The following ARL10 variants were observed in gnomAD, a reference collection of about 807,000 sequenced individuals.
The protein encoded by ARL10 is ARF like GTPase 10, also known as ADP-ribosylation factor-like protein 10.
ARL10 carries 23 observed loss-of-function variants against 26.1 expected under a neutral mutation model. The ratio of observed to expected loss-of-function variants is 0.88; its 90% CI spans 0.63 to 1.25. ARL10 has a LOEUF of 1.25. Among genes scored for constraint, ARL10 ranks in the 50% most tolerant of loss-of-function variants. The probability of loss-of-function intolerance (pLI) is 0.00; values close to 1 mark genes in which losing one functional copy is unlikely to be tolerated. For synonymous variants in ARL10, 138 were observed against 149.1 expected, an observed-to-expected ratio of 0.93 and a Z score of 0.54; for missense variants, 300 against 323.6, an observed-to-expected ratio of 0.93 and a Z score of 0.56.
chr5:176,393,214 T>G (rs1238564765), downstream of ARL10, among the ~76,000 whole-genome samples: 1 of 152,126 alleles, frequency 6.6e-6, no homozygotes, highest in Non-Finnish European at 1.5e-5. This position sits in a 1 kb window ranked among gnomAD's most constrained non-coding sequence, Gnocchi z 4.4. Context: ...CAGGTCTCAG[T>G]GCGGGCCTCA....
At chr5:176,412,349 G>A in the ARL10 span, among the ~76,000 whole-genome samples, 1 of 152,042 alleles carries the variant, frequency 6.6e-6, no homozygotes, top group Non-Finnish European at 1.5e-5. Context: ...GCACCCTCTT[G>A]TGCAATTACT....
chr5:176,376,770 A>G lies in ARL10; in HGVS notation c.*4875A>G, dbSNP rs1339628925. ...GGTGTGTAGTTCCAGGAGTCTGGAG[A>G]GGTCCTTTTGAGTTGTGAGATGTGG... is the stretch of plus-strand genomic sequence containing the variant. On this transcript the variant is annotated 3_prime_UTR_variant, in exon 4 of 4. Transcript: ENST00000310389. The G allele has an allele frequency of 6.6e-6, 1 of 152,164 alleles. No individual in the cohort carries two copies. The highest frequency in any genetic ancestry group is 2.4e-5 in the African/African-American group (1 of 41,426). 9.4% of individuals were successfully genotyped at this position (152,164 alleles called of 1,614,324 possible).
chr5:176,392,567 T>C (rs1756299408), downstream of ARL10: 2 of 580,008 alleles, frequency 3.4e-6, no homozygotes, highest in Non-Finnish European at 6.1e-6. The surrounding 1 kb of genome is among the most constrained non-coding windows in gnomAD (Gnocchi z 5.2). Flanking sequence ...TTGAGTAGAC[T>C]GAGAGGAGGC....
Position 176,371,936 on chromosome 5 carries a change from A to G in ARL10, c.*41A>G. On this transcript the variant is annotated 3_prime_UTR_variant, in exon 4 of 4. Transcript: ENST00000310389. ...CTTGCCACCTGCCTGTCAAGACCATAGTTGTACTGCTGCTGCTTCATTGCC... is the reference window on the plus strand; with the variant it reads ...CTTGCCACCTGCCTGTCAAGACCATGGTTGTACTGCTGCTGCTTCATTGCC... 6.3e-7 allele frequency: 1 copy of G among 1,597,780 alleles called. No individual in the cohort carries two copies. Among genetic ancestry groups the G allele is most frequent in the Non-Finnish European group, 8.5e-7 (1 of 1,170,668 alleles).
the ARL10 span, among the ~76,000 whole-genome samples, chr5:176,410,598 T>C: frequency 1.4e-4 from 21 of 152,244 alleles, no homozygotes; most frequent in African/African-American, 5.1e-4. Flanking sequence ...ATGCTCAAAA[T>C]CACCCAGCCA....
At chr5:176,383,935 C>T, downstream of ARL10, 1 of 1,473,776 alleles carries the variant, frequency 6.8e-7, no homozygotes, top group East Asian at 2.5e-5. Context: ...AATACAAAAT[C>T]ATCAGAGAAG....
At chr5:176,366,317 C>T (rs1768297669) in intron 1 of ARL10, 63 bp from the exon 2 acceptor site, 2 of 1,529,102 alleles carry the variant, frequency 1.3e-6, no homozygotes, top group Non-Finnish European at 1.7e-6. Flanking sequence ...TGCCTTCGGT[C>T]TTCCCTCGGG....
At chr5:176,391,650 A>G (rs1023756255), downstream of ARL10, among the ~76,000 whole-genome samples, 1 of 152,198 alleles carries the variant, frequency 6.6e-6, no homozygotes, top group Non-Finnish European at 1.5e-5. Context: ...CCACAAAGAC[A>G]GACATACCTA....
downstream of ARL10, chr5:176,384,746 G>A: frequency 2.8e-6 from 1 of 354,570 alleles, no homozygotes; most frequent in South Asian, 5.2e-5. Context: ...CTCCACCCTG[G>A]GTGACAGAGC....
chr5:176,400,324 G>A (rs968972288), intron 1 of ARL10, among the ~76,000 whole-genome samples: 1 of 152,158 alleles, frequency 6.6e-6, no homozygotes, highest in African/African-American at 2.4e-5. Context: ...GTGGAGTGAT[G>A]GCTCAGTGAA....
downstream of ARL10, chr5:176,405,585 T>G (rs1292689282): frequency 6.6e-6 from 1 of 151,892 alleles, no homozygotes; most frequent in Non-Finnish European, 1.5e-5. Flanking sequence ...CCATATCCGT[T>G]TATTCACTGC....
Position 176,368,807 on chromosome 5 carries a change from T to G in ARL10, c.386T>G (p.Ile129Ser). The G allele has an allele frequency of 6.2e-7, 1 of 1,607,712 alleles. No individual in the cohort carries two copies. The highest frequency in any genetic ancestry group is 8.5e-7 in the Non-Finnish European group (1 of 1,176,120). Residue 129 changes from isoleucine to serine, a missense_variant and splice_region_variant, in exon 3 of 4, where the codon ATT (isoleucine) becomes AGT (serine). By Grantham distance (142) the Ile-to-Ser change is moderately radical. Coordinates refer to ENST00000310389, the MANE Select transcript of ARL10 (RefSeq NM_173664.6). The surrounding 1 kb of genome is among the most constrained non-coding windows in gnomAD (Gnocchi z 4.1). ...TKDFEVDLLE[I>S]GGSQNLRFYW... ...GAGCTGGCCCCTGGCCTCTCCTCAG[T>G]TGGGGGCAGCCAGAACCTGCGCTTC...
downstream of ARL10, chr5:176,393,018 T>C: frequency 2.6e-6 from 4 of 1,537,590 alleles, 1 homozygote; most frequent in South Asian, 4.5e-5. The surrounding 1 kb of genome is among the most constrained non-coding windows in gnomAD (Gnocchi z 4.4). Flanking sequence ...CAAGGCTGCT[T>C]TGCCCAGCCT....
chr5:176,392,670 G>GGCTGTGGGTAGCAGCT (rs1277551164), downstream of ARL10: 3 of 1,344,914 alleles, frequency 2.2e-6, no homozygotes, highest in Non-Finnish European at 3.1e-6. The surrounding 1 kb of genome is among the most constrained non-coding windows in gnomAD (Gnocchi z 5.2). Context: ...GAGTGGAATA[G>GGCTGTGGGTAGCAGCT]GCTGTGGGTA....
chr5:176,387,968 G>C (rs1164503642), intron 1 of ARL10, among the ~76,000 whole-genome samples: 1 of 152,174 alleles, frequency 6.6e-6, no homozygotes, highest in African/African-American at 2.4e-5. Context: ...ATAAATTAAG[G>C]AAAATACCGT....
chr5:176,411,489 G>C, the ARL10 span, among the ~76,000 whole-genome samples: 1 of 152,146 alleles, frequency 6.6e-6, no homozygotes. Context: ...CCTAATTAAA[G>C]GCCTCCCTGA....
chr5:176,391,841 G>A (rs746412131), downstream of ARL10, among the ~76,000 whole-genome samples: 18 of 152,226 alleles, frequency 1.2e-4, no homozygotes, highest in Non-Finnish European at 2.4e-4. Flanking sequence ...CAAGAACTAT[G>A]AGACAATAAA....
chr5:176,384,150 C>A (rs1268422970), downstream of ARL10: 7 of 1,613,406 alleles, frequency 4.3e-6, no homozygotes, highest in Non-Finnish European at 5.1e-6. Flanking sequence ...AGCCACACAG[C>A]ACCTCCTTGC....
At position 176,388,316 on chromosome 5, in the gene ARL10, G is replaced by T. The variant is rs759828112; in HGVS notation, c.58G>T (p.Val20Leu). The T allele has an allele frequency of 2.5e-6, 4 of 1,614,180 alleles. No homozygotes were observed. The East Asian group carries it at 8.9e-5, about 36-fold the overall frequency. ...CCAGGTTCTGCCGTACCGATTTAGC[G>T]TGGTCCCAGGCATGTCGGATGTGGG... Residue 20 changes from valine (V) to leucine (L), a missense_variant, in exon 2 of 2, where the codon GTG (valine) becomes TTG (leucine). Physicochemically the swap from Val to Leu is conservative, Grantham distance 32 (BLOSUM62 1). Coordinates refer to the ARL10 transcript ENST00000503175.
Sources: gnomAD v4.1 joint callset for allele counts (sites outside exome capture counted in the v4.1 genomes callset) on GRCh38, gnomAD v4.1.1 for gene constraint, Gnocchi (gnomAD v3.1) non-coding constraint, MANE v1.5 for transcripts, NCBI Gene and HGNC (gene_info 2026-07-23, HGNC 2026-07-21) for gene names.